The following ASPM variants were observed in gnomAD, a reference collection of about 807,000 sequenced individuals.
ASPM encodes assembly factor for spindle microtubules, also known as abnormal spindle-like microcephaly-associated protein.
A neutral mutation model predicts 366.4 loss-of-function variants in ASPM; 256 were observed. The ratio of observed to expected loss-of-function variants is 0.70; its 90% confidence interval spans 0.63 to 0.77. The LOEUF (loss-of-function observed/expected upper bound fraction) is 0.77. Among genes scored for constraint, ASPM ranks in the 30% least tolerant of loss-of-function variants. ASPM has a pLI of 0.00. For synonymous variants in ASPM, 1,414 were observed against 1,342.9 expected (o/e 1.05, Z -1.16); for missense variants, 4,146 against 4,090.4 (o/e 1.01, Z -0.37).
rs562313894 is a variant in ASPM at position 197,123,935 on chromosome 1, G to A, written c.3390+175C>T. On this transcript the variant is annotated intron_variant, in intron 13 of 27. Transcript: ENST00000367409. ...AAAATTATCATGTATCACACAATTG[G>A]TGATAGATTAGATGAAATACAGTGT... is the stretch of plus-strand genomic sequence containing the variant. Among the ~76,000 whole-genome samples, 21 of 152,130 alleles carry A rather than the reference G, an allele frequency of 1.4e-4. No individual in the cohort carries two copies. The South Asian group carries it at 4.4e-3, about 32-fold the overall frequency.
Position 197,117,782 on chromosome 1 carries a change from A to T in ASPM, c.4065+7T>A, listed in dbSNP as rs1657782545. The T allele has an allele frequency of 6.2e-7, 1 of 1,608,868 alleles. No individual in the cohort carries two copies. Among genetic ancestry groups the T allele is most frequent in the Admixed American group, 1.7e-5 (1 of 59,682 alleles). ...TTAAATTCAAAAATTAGTCCAGGAT[A>T]CTATACCTGAATAAGTGATGCTGCT... On this transcript the variant is annotated splice_region_variant and intron_variant, in intron 17 of 27. Transcript: ENST00000367409.
intron 4 of ASPM, 35 bp downstream of exon 4, chr1:197,139,732 T>C: frequency 6.2e-6 from 9 of 1,446,460 alleles, no homozygotes; most frequent in Non-Finnish European, 8.8e-6. Context: ...TTCGATGTCA[T>C]GTTTTCAGAG....
At position 197,103,787 on chromosome 1, in the gene ASPM, T is replaced by C. The variant is rs1201809787; in HGVS notation, c.5464A>G (p.Lys1822Glu). The C allele has an allele frequency of 6.2e-7, 1 of 1,613,046 alleles. No homozygotes were observed. The highest frequency in any genetic ancestry group is 1.3e-5 in the African/African-American group (1 of 74,976). Residue 1822 changes from lysine to glutamate, a missense_variant, in exon 18 of 28, where the codon AAA (lysine) becomes GAA (glutamate). Physicochemically the swap from Lys to Glu is moderately conservative, Grantham distance 56 (BLOSUM62 1). Around this residue, in one of 3 missense-constraint regions of ASPM, gnomAD observed 3,624 missense variants for 3,591.7 expected, o/e 1.01. Transcript: ENST00000367409. ...YRGYKVRQLI[K>E]QQSIAALKIQ... Reference sequence around the variant, plus strand: ...TTAAGAGCAGCTATAGATTGTTGTTTGATTAGCTGGCGTACTTTATAACCT... The same window carrying C: ...TTAAGAGCAGCTATAGATTGTTGTTCGATTAGCTGGCGTACTTTATAACCT...
At chr1:197,109,003 A>G (rs991129757) in intron 17 of ASPM, among the ~76,000 whole-genome samples, 1 of 151,340 alleles carries the variant, frequency 6.6e-6, no homozygotes, top group African/African-American at 2.4e-5. Flanking sequence ...AGTCCAGAGA[A>G]GAATGTTTGA....
chr1:197,129,456 T>C, intron 8 of ASPM, 139 bp from the exon 9 acceptor site: 1 of 870,196 alleles, frequency 1.1e-6, no homozygotes, highest in Non-Finnish European at 1.8e-6. Flanking sequence ...ACTATGTGCC[T>C]TTTTTAGTGC....
intron 17 of ASPM, among the ~76,000 whole-genome samples, chr1:197,114,230 A>G (rs571282453): frequency 2.0e-5 from 3 of 152,242 alleles, no homozygotes; most frequent in Non-Finnish European, 4.4e-5. Flanking sequence ...ACATACCTAA[A>G]TTTAAAAATA....
At chr1:197,133,699 T>G in intron 5 of ASPM, 104 bp from the exon 6 acceptor site, 58 of 1,347,502 alleles carry the variant, frequency 4.3e-5, no homozygotes, top group Non-Finnish European at 5.3e-5. Flanking sequence ...ACATAATCTA[T>G]TCCTCACCCA....
chr1:197,094,924 G>C (rs886361168), intron 19 of ASPM, among the ~76,000 whole-genome samples: 2 of 151,610 alleles, frequency 1.3e-5, no homozygotes, highest in Non-Finnish European at 3.0e-5. Flanking sequence ...GCTGATAGTA[G>C]CAACTGTATC....
At chr1:197,144,155 A>C in intron 1 of ASPM, 55 bp from the exon 2 acceptor site, 4 of 1,245,444 alleles carry the variant, frequency 3.2e-6, no homozygotes, top group Non-Finnish European at 4.7e-6. Flanking sequence ...TAATAACCAA[A>C]ACACCTTATA....
chr1:197,120,737 T>C (rs1280720463), intron 16 of ASPM, among the ~76,000 whole-genome samples: 1 of 152,092 alleles, frequency 6.6e-6, no homozygotes, highest in Admixed American at 6.6e-5. Flanking sequence ...TCTAGGGGAA[T>C]TGCTTTAGGA....
intron 17 of ASPM, among the ~76,000 whole-genome samples, chr1:197,115,434 ACCT>A (rs1280788155): frequency 1.3e-5 from 2 of 151,966 alleles, no homozygotes; most frequent in Non-Finnish European, 2.9e-5. Context: ...TGATATTTTG[ACCT>A]CCTCCTACGA....
intron 17 of ASPM, among the ~76,000 whole-genome samples, chr1:197,106,652 T>C (rs1657420316): frequency 6.6e-6 from 1 of 152,108 alleles, no homozygotes; most frequent in Admixed American, 6.6e-5. Context: ...CCTAACAGTT[T>C]TGCTTATTAC....
chr1:197,137,011 CTAT>C (rs1658440192), intron 4 of ASPM, among the ~76,000 whole-genome samples: 1 of 152,046 alleles, frequency 6.6e-6, no homozygotes, highest in Non-Finnish European at 1.5e-5. Context: ...ATGGATCATA[CTAT>C]TATTACCTAA....
Position 197,101,562 on chromosome 1 carries a change from G to A in ASPM, c.7689C>T (p.Thr2563=), listed in dbSNP as rs562948109. ...AACAATACTGCCTATACATTCTGTAGGTGCTTTGTATTACGATAGAAGCTT... is the reference window on the plus strand; with the variant it reads ...AACAATACTGCCTATACATTCTGTAAGTGCTTTGTATTACGATAGAAGCTT... ...KHKASIVIQS[T]YRMYRQYCFY... is the part of the protein sequence containing the mutation. Residue 2563 remains threonine, a synonymous_variant, in exon 18 of 28, where the codon ACC becomes ACT. Transcript: ENST00000367409. The A allele has an allele frequency of 6.2e-7, 1 of 1,609,536 alleles. No homozygotes were observed. Among genetic ancestry groups the A allele is most frequent in the Admixed American group, 1.7e-5 (1 of 59,726 alleles).
intron 10 of ASPM, among the ~76,000 whole-genome samples, chr1:197,128,075 G>A (rs1325269089): frequency 6.6e-6 from 1 of 151,928 alleles, no homozygotes; most frequent in East Asian, 1.9e-4. Flanking sequence ...TGAGGCAGGA[G>A]AATGGCGTGA....
intron 18 of ASPM, among the ~76,000 whole-genome samples, chr1:197,097,317 C>T (rs1013839440): frequency 2.0e-5 from 3 of 151,690 alleles, no homozygotes; most frequent in Non-Finnish European, 4.4e-5. Context: ...TTCTGTAATA[C>T]GCTTCCCCCT....
Position 197,093,248 on chromosome 1 carries a change from G to T in ASPM, c.9098C>A (p.Ala3033Asp). The T allele has an allele frequency of 6.2e-7, 1 of 1,611,852 alleles. No individual in the cohort carries two copies. Among genetic ancestry groups the T allele is most frequent in the South Asian group, 1.1e-5 (1 of 91,034 alleles). The change falls in exon 21 of 28, where the codon GCT (alanine) becomes GAT (aspartate). Residue 3033 changes from alanine (A) to aspartate (D), a missense_variant. This residue lies in a region of ASPM where 3,624 missense variants were observed against 3,591.7 expected (regional missense o/e 1.01). Transcript: ENST00000367409. ...HFLMIKRHRAACLIQAHYRGY... is the reference protein window; with the variant it reads ...HFLMIKRHRADCLIQAHYRGY... ...TCTATAATGTGCTTGGATCAAACAA[G>T]CAGCTCGATGTCTCTATAAGGAAAA...
intron 27 of ASPM, 147 bp from the exon 28 acceptor site, chr1:197,084,573 T>A: frequency 1.5e-6 from 1 of 653,424 alleles, no homozygotes; most frequent in Non-Finnish European, 2.7e-6. Flanking sequence ...GAACTTCATA[T>A]TATTGCCCAT....
At chr1:197,099,321 C>A (rs1019341607) in intron 18 of ASPM, among the ~76,000 whole-genome samples, 1 of 150,442 alleles carries the variant, frequency 6.6e-6, no homozygotes, top group Non-Finnish European at 1.5e-5. Flanking sequence ...TAAATTTTTT[C>A]TGTCTTAAAA....
Sources: allele counts gnomAD v4.1 joint callset (sites outside exome capture counted in the v4.1 genomes callset), GRCh38; gene constraint gnomAD v4.1.1; regional missense constraint gnomAD v4.1.1; transcripts MANE v1.5; gene names NCBI Gene and HGNC (gene_info 2026-07-23, HGNC 2026-07-21).